Variants in RBM28 observed in about 807,000 individuals in gnomAD.
RBM28 encodes the protein RNA-binding protein 28.
RBM28 carries 78 observed loss-of-function variants against 98.3 expected under a neutral mutation model. The ratio of observed to expected loss-of-function variants is 0.79; its 90% confidence interval spans 0.66 to 0.96. RBM28 has a LOEUF of 0.96. Ranked by LOEUF, RBM28 falls within the 40% of genes least tolerant of loss-of-function variation. RBM28 has a pLI of 0.00. For synonymous variants in RBM28, 306 were observed against 330.9 expected (o/e 0.92, Z 0.82); for missense variants, 838 against 913.0 (o/e 0.92, Z 1.06).
In RBM28 at chr7:128,299,162, C is replaced by A. The variant is rs1562942152; in HGVS notation, c.*11635G>T. The A allele has an allele frequency of 6.6e-6, 1 of 152,164 alleles. No individual in the cohort carries two copies. The highest frequency in any genetic ancestry group is 1.5e-5 in the Non-Finnish European group (1 of 68,070). The allele number at this position is 152,164 out of a possible 1,614,324, so 9.4% of individuals were successfully genotyped here. ...GCCTTGCAGGGCCACACAGGAAGAA[C>A]TTGGGTCAGCCAAGAAGCAGAGGGG... On this transcript the variant is annotated 3_prime_UTR_variant, in exon 19 of 19. Transcript: ENST00000223073.
intron 1 of RBM28, chr7:128,341,093 G>A (rs1388700893): frequency 1.9e-5 from 23 of 1,200,630 alleles, no homozygotes; most frequent in Non-Finnish European, 2.4e-5. Context: ...AAAGGAAAAG[G>A]ACAGATCAAG....
Position 128,307,097 on chromosome 7 carries a change from G to A in RBM28, c.*3700C>T, listed in dbSNP as rs1331758770. 2.6e-5 allele frequency: 4 copies of A among 152,248 alleles called. No individual in the cohort carries two copies. Among genetic ancestry groups the A allele is most frequent in the Non-Finnish European group, 4.4e-5 (3 of 68,050 alleles). 9.4% of individuals were successfully genotyped at this position (152,248 alleles called of 1,614,324 possible). On this transcript the variant is annotated 3_prime_UTR_variant, in exon 19 of 19. Transcript: ENST00000223073. ...ATTAAGGCTGAGTTGAAAAGGAGCTGGGCATCATCAAACTGCAAACAAACT... is the reference window on the plus strand; with the variant it reads ...ATTAAGGCTGAGTTGAAAAGGAGCTAGGCATCATCAAACTGCAAACAAACT...
At chr7:128,327,462 C>CCAATTAA (rs1796378594) in intron 10 of RBM28, among the ~76,000 whole-genome samples, 1 of 152,116 alleles carries the variant, frequency 6.6e-6, no homozygotes, top group Non-Finnish European at 1.5e-5. Context: ...AGATGCAGGA[C>CCAATTAA]CAATTAACCC....
intron 9 of RBM28, among the ~76,000 whole-genome samples, chr7:128,332,319 A>G (rs984819349): frequency 3.3e-5 from 5 of 152,000 alleles, no homozygotes; most frequent in Non-Finnish European, 5.9e-5. Context: ...TATTTCATCA[A>G]TTTCCTAGAA....
rs1441441258 is a variant in RBM28, at chr7:128,313,223, T to C, written c.2097A>G (p.Pro699=). ...TCTCCTGCTTCCACTGGTTTATCTG[T>C]GGCTTTGGCTTTTTGGGATGGACGG... ...VKPVHPKKPK[P]QINQWKQEKQ... is the part of the protein sequence containing the mutation. Residue 699 remains proline (P), a synonymous_variant, in exon 18 of 19, where the codon CCA becomes CCG. Coordinates refer to ENST00000223073, the MANE Select transcript of RBM28 (RefSeq NM_018077.3). 1.1e-5 allele frequency: 17 copies of C among 1,614,112 alleles called. No homozygotes were observed. Among genetic ancestry groups the C allele is most frequent in the Non-Finnish European group, 1.4e-5 (17 of 1,180,046 alleles).
chr7:128,341,018 C>T (rs1584666561), intron 1 of RBM28: 1 of 554,834 alleles, frequency 1.8e-6, no homozygotes, highest in South Asian at 1.9e-5. Flanking sequence ...TCAACTGTAA[C>T]CCACCTTTGC....
intron 3 of RBM28, 144 bp downstream of exon 3, chr7:128,339,083 C>A (rs965683405): frequency 2.0e-5 from 17 of 842,540 alleles, no homozygotes; most frequent in Middle Eastern, 2.9e-4. Context: ...CACAGGCCCA[C>A]TTTCTGAATT....
chr7:128,332,464 G>A (rs10249963), intron 9 of RBM28, among the ~76,000 whole-genome samples: 60,524 of 151,342 alleles, frequency 0.4, 12,300 homozygotes, highest in Middle Eastern at 0.52. Flanking sequence ...AGTGATTCTC[G>A]TGCCTCAGGC....
In RBM28 at chr7:128,309,752, A is replaced by G. The variant is rs1253347889; in HGVS notation, c.*1045T>C. ...CTGGGAAGAGCTCCAGGAGGAGGCG[A>G]CAACTAGTGGAGATCTGAGTGACAA... On this transcript the variant is annotated 3_prime_UTR_variant, in exon 19 of 19. Transcript: ENST00000223073. 2 of 152,356 alleles carry G rather than the reference A, an allele frequency of 1.3e-5. No homozygotes were observed. The highest frequency in any genetic ancestry group is 1.9e-4 in the East Asian group (1 of 5,172). The allele number at this position is 152,356 out of a possible 1,614,324, so 9.4% of individuals were successfully genotyped here. A position where few individuals can be genotyped will look rare whatever the true frequency, so the allele number is the denominator to read the frequency against.
At chr7:128,312,141 A>C (rs1462071503) in intron 18 of RBM28, among the ~76,000 whole-genome samples, 1 of 152,206 alleles carries the variant, frequency 6.6e-6, no homozygotes, top group African/African-American at 2.4e-5. Context: ...ACTTGAGGCC[A>C]AGCACGGTGG....
intron 10 of RBM28, among the ~76,000 whole-genome samples, chr7:128,326,976 G>GA (rs919257839): frequency 3.5e-4 from 51 of 145,522 alleles, no homozygotes; most frequent in Admixed American, 4.8e-4. Flanking sequence ...CTCTACGAAA[G>GA]AAAAAAAAAA....
At position 128,304,350 on chromosome 7, in the gene RBM28, C is replaced by T. The variant is rs554253762; in HGVS notation, c.*6447G>A. ...ACTATCTGATTCAACAAAGCAGTCA[C>T]TCATTTCATGGAATGGATATGGGCT... On this transcript the variant is annotated 3_prime_UTR_variant, in exon 19 of 19. Coordinates refer to ENST00000223073, the MANE Select transcript of RBM28 (RefSeq NM_018077.3). 1 of 152,324 alleles carries T rather than the reference C, an allele frequency of 6.6e-6. No homozygotes were observed. The highest frequency in any genetic ancestry group is 1.9e-4 in the East Asian group (1 of 5,190). The allele number at this position is 152,324 out of a possible 1,614,324, so 9.4% of individuals were successfully genotyped here. A position where few individuals can be genotyped will look rare whatever the true frequency, so the allele number is the denominator to read the frequency against.
intron 10 of RBM28, among the ~76,000 whole-genome samples, chr7:128,330,058 A>G (rs1178808223): frequency 1.3e-5 from 2 of 152,140 alleles, no homozygotes; most frequent in Non-Finnish European, 2.9e-5. Context: ...TTTGGAAAAA[A>G]AAAGAAATCT....
chr7:128,321,304 T>G lies in RBM28; in HGVS notation c.1525A>C (p.Ser509Arg), dbSNP rs763562447. 1.2e-6 allele frequency: 2 copies of G among 1,614,110 alleles called. No individual in the cohort carries two copies. Among genetic ancestry groups the G allele is most frequent in the African/African-American group, 2.7e-5 (2 of 74,944 alleles). ...ACCCCTTTCTCTCCACTAGTAGCAC[T>G]CAGCAGCAGCTTTCTGAGCTGTTTG... ...DDKQLRKLLLSATSGEKGVRI... is the reference protein window; with the variant it reads ...DDKQLRKLLLRATSGEKGVRI... The change falls in exon 14 of 19, where the codon AGT becomes CGT. Residue 509 changes from serine (S) to arginine (R), a missense_variant. Ser to Arg is a moderately radical substitution (Grantham distance 110). Transcript: ENST00000223073.
rs1795959920 is a variant in RBM28, at chr7:128,310,618, C to A, written c.*179G>T. 2.8e-6 allele frequency: 2 copies of A among 707,308 alleles called. No individual in the cohort carries two copies. The highest frequency in any genetic ancestry group is 4.9e-6 in the Non-Finnish European group (2 of 410,776). 43.8% of individuals were successfully genotyped at this position (707,308 alleles called of 1,614,324 possible). A position where few individuals can be genotyped will look rare whatever the true frequency, so the allele number is the denominator to read the frequency against. ...GATATTTCTCTTTGTGGCTAACGAA[C>A]CACACATCAAAGGATGGACCAAAGT... On this transcript the variant is annotated 3_prime_UTR_variant, in exon 19 of 19. Transcript: ENST00000223073.
In RBM28 at chr7:128,300,385, T is replaced by A. The variant is rs539743822; in HGVS notation, c.*10412A>T. On this transcript the variant is annotated 3_prime_UTR_variant, in exon 19 of 19. Transcript: ENST00000223073. The stretch of plus-strand genomic sequence containing the variant: ...GATGAATCAGCACTGATAGCTGGAA[T>A]GTGAGCTCCCAAGTGGCTTGAGCTC... 1 of 152,426 alleles carries A rather than the reference T, an allele frequency of 6.6e-6. No homozygotes were observed. Among genetic ancestry groups the A allele is most frequent in the South Asian group, 2.1e-4 (1 of 4,830 alleles). 9.4% of individuals were successfully genotyped at this position (152,426 alleles called of 1,614,324 possible). A position where few individuals can be genotyped will look rare whatever the true frequency, so the allele number is the denominator to read the frequency against.
In RBM28 at chr7:128,339,771, A is replaced by G; in HGVS notation, c.139T>C (p.Phe47Leu). Residue 47 changes from phenylalanine (F) to leucine (L), a missense_variant, in exon 2 of 19, where the codon TTT becomes CTT. By Grantham distance (22) the Phe-to-Leu change is conservative. Transcript: ENST00000223073. ...TEKGSKACRG[F>L]GYVTFSMLED... ...AGCATTGAAAAAGTGACATAGCCAA[A>G]GCCTCGACATGCCTTACTCCCTGGA... The G allele has an allele frequency of 6.2e-7, 1 of 1,614,128 alleles. No homozygotes were observed. The highest frequency in any genetic ancestry group is 8.5e-7 in the Non-Finnish European group (1 of 1,179,978).
chr7:128,322,782 A>G (rs12536858), intron 13 of RBM28, among the ~76,000 whole-genome samples: 18,698 of 152,128 alleles, frequency 0.12, 1,160 homozygotes, highest in Non-Finnish European at 0.14. Context: ...CTAGGTGTTC[A>G]CTACCACAAA....
chr7:128,328,447 A>G (rs1421356060), intron 10 of RBM28, among the ~76,000 whole-genome samples: 2 of 152,224 alleles, frequency 1.3e-5, no homozygotes, highest in East Asian at 3.8e-4. Context: ...AAACTACAGG[A>G]GCAGCACGAG....
Sources: allele counts gnomAD v4.1 joint callset (sites outside exome capture counted in the v4.1 genomes callset), GRCh38; gene constraint gnomAD v4.1.1; transcripts MANE v1.5; gene names NCBI Gene and HGNC (gene_info 2026-07-23, HGNC 2026-07-21).